ANO10: variants seen among roughly 807,000 people sequenced by gnomAD.
The protein encoded by ANO10 is anoctamin 10, also known as anoctamin-10.
In ANO10, 77 loss-of-function variants were observed where a neutral mutation model predicts 74.7. The observed-to-expected ratio is 1.03, with a 90% CI of 0.86 to 1.25. The LOEUF is 1.25. ANO10 is among the 50% of genes most tolerant of loss of function. The probability of loss-of-function intolerance (pLI) is 0.00; values close to 1 mark genes in which losing one functional copy is unlikely to be tolerated. For synonymous variants in ANO10, 279 were observed against 284.9 expected, an observed-to-expected ratio of 0.98 and a Z score of 0.21; for missense variants, 721 against 778.1, an observed-to-expected ratio of 0.93 and a Z score of 0.87.
intron 5 of ANO10, among the ~76,000 whole-genome samples, chr3:43,577,638 T>G (rs1213284120): frequency 6.6e-6 from 1 of 152,198 alleles, no homozygotes; most frequent in African/African-American, 2.4e-5. Context: ...GGGGTTTAAT[T>G]TATGCTCCCC....
At chr3:43,564,693 T>C (rs3821381) in intron 8 of ANO10, among the ~76,000 whole-genome samples, 90,920 of 152,038 alleles carry the variant, frequency 0.6, 27,925 homozygotes, top group East Asian at 0.89. Context: ...CATGAATCTT[T>C]GCTCCTCTCT....
intron 9 of ANO10, among the ~76,000 whole-genome samples, chr3:43,557,416 T>C (rs2079803396): frequency 6.6e-6 from 1 of 152,112 alleles, no homozygotes; most frequent in South Asian, 2.1e-4. Flanking sequence ...AGCCCTAAAC[T>C]CTTAAAAATT....
intron 1 of ANO10, among the ~76,000 whole-genome samples, chr3:43,687,184 C>G (rs1022906868): frequency 1.3e-5 from 2 of 152,178 alleles, no homozygotes; most frequent in African/African-American, 4.8e-5. Context: ...GGCATGGTGG[C>G]TTACGCCTAT....
chr3:43,594,979 G>A (rs1398610268), intron 4 of ANO10, among the ~76,000 whole-genome samples: 3 of 150,656 alleles, frequency 2.0e-5, no homozygotes, highest in Non-Finnish European at 4.4e-5. Flanking sequence ...AGAATACTAT[G>A]AACAACTCTA....
At chr3:43,425,256 T>A (rs2092881759) in intron 12 of ANO10, among the ~76,000 whole-genome samples, 1 of 150,264 alleles carries the variant, frequency 6.7e-6, no homozygotes, top group Non-Finnish European at 1.5e-5. Flanking sequence ...TTGCCCAGGC[T>A]GGTCTCAAGC....
chr3:43,390,525 A>G (rs903567952), intron 12 of ANO10, among the ~76,000 whole-genome samples: 17 of 152,180 alleles, frequency 1.1e-4, no homozygotes, highest in African/African-American at 3.6e-4. Context: ...CACATCTTCT[A>G]TGAAGCCTCC....
intron 9 of ANO10, among the ~76,000 whole-genome samples, chr3:43,559,146 C>T (rs1386831481): frequency 4.6e-5 from 7 of 152,132 alleles, no homozygotes; most frequent in Admixed American, 3.3e-4. Flanking sequence ...CCTCCCTCAC[C>T]GTCCTTCATA....
chr3:43,372,479 C>T (rs1403658702), intron 12 of ANO10, among the ~76,000 whole-genome samples: 1 of 152,186 alleles, frequency 6.6e-6, no homozygotes, highest in Non-Finnish European at 1.5e-5. Flanking sequence ...TCCCCTGCTG[C>T]CCCGCAATCC....
intron 1 of ANO10, among the ~76,000 whole-genome samples, chr3:43,637,334 G>T (rs1396478311): frequency 6.6e-6 from 1 of 151,982 alleles, no homozygotes; most frequent in Non-Finnish European, 1.5e-5. Flanking sequence ...TGGGCTTGGG[G>T]GCGCATGCCT....
chr3:43,655,116 G>A (rs1312235847), intron 1 of ANO10, among the ~76,000 whole-genome samples: 2 of 152,178 alleles, frequency 1.3e-5, no homozygotes, highest in East Asian at 1.9e-4. Context: ...TAAAACTAGA[G>A]GGAAATTTCT....
intron 11 of ANO10, among the ~76,000 whole-genome samples, chr3:43,443,706 G>C (rs1250611579): frequency 7.8e-6 from 1 of 128,232 alleles, no homozygotes; most frequent in Non-Finnish European, 1.6e-5. Flanking sequence ...TTTTGACGGA[G>C]TTTCACTCTT....
chr3:43,603,879 T>C (rs909988624), intron 2 of ANO10, among the ~76,000 whole-genome samples: 1 of 152,152 alleles, frequency 6.6e-6, no homozygotes. Context: ...GTTGTTAATA[T>C]TTTGGAAACT....
chr3:43,614,705 T>A (rs1383696317), intron 1 of ANO10, among the ~76,000 whole-genome samples: 1 of 143,968 alleles, frequency 6.9e-6, no homozygotes, highest in African/African-American at 2.5e-5. Flanking sequence ...TATTAAACGT[T>A]CATACTCTTC....
intron 12 of ANO10, among the ~76,000 whole-genome samples, chr3:43,368,877 C>T (rs1326038183): frequency 2.0e-5 from 3 of 152,180 alleles, no homozygotes; most frequent in Non-Finnish European, 4.4e-5. Context: ...ATAATGAAGA[C>T]AGAACATTCC....
At chr3:43,690,686 T>C (rs903741414) in intron 1 of ANO10, 1 of 368,142 alleles carries the variant, frequency 2.7e-6, no homozygotes, top group Non-Finnish European at 4.8e-6. Context: ...TTATTCAAAT[T>C]AGCTAAAACA....
At chr3:43,446,872 G>T (rs1425976124) in intron 11 of ANO10, among the ~76,000 whole-genome samples, 1 of 152,092 alleles carries the variant, frequency 6.6e-6, no homozygotes, top group Non-Finnish European at 1.5e-5. Flanking sequence ...AGGTAATACA[G>T]TCACATGGTT....
In ANO10 at chr3:43,575,695, TG is replaced by T. The variant is rs2080961612; in HGVS notation, c.1163-832del. On this transcript the variant is annotated intron_variant, in intron 6 of 12. Transcript: ENST00000292246. ...CTCTGTCGCCCAGACTAGACTGCAGTGGCACGATCTCGGCTCACTGCAACCT... is the reference window on the plus strand; with the variant it reads ...CTCTGTCGCCCAGACTAGACTGCAGTGCACGATCTCGGCTCACTGCAACCT... Among the ~76,000 whole-genome samples the T allele has an allele frequency of 5.3e-5, 8 of 152,312 alleles. No homozygotes were observed. The South Asian group carries it at 1.7e-3, about 32-fold the overall frequency.
chr3:43,597,161 T>C (rs1198942167), intron 4 of ANO10, among the ~76,000 whole-genome samples: 1 of 152,208 alleles, frequency 6.6e-6, no homozygotes, highest in Non-Finnish European at 1.5e-5. Context: ...TTTACACTGT[T>C]GGTGGGACGG....
intron 1 of ANO10, among the ~76,000 whole-genome samples, chr3:43,684,126 C>G (rs2084241454): frequency 6.6e-6 from 1 of 152,016 alleles, no homozygotes; most frequent in South Asian, 2.1e-4. Context: ...AAAAAACTAC[C>G]ATTAGAGTGA....
Sources: allele counts gnomAD v4.1 joint callset (sites outside exome capture counted in the v4.1 genomes callset), GRCh38; gene constraint gnomAD v4.1.1; transcripts MANE v1.5; gene names NCBI Gene and HGNC (gene_info 2026-07-23, HGNC 2026-07-21).